The following PCDH15 variants were observed in gnomAD, a reference collection of about 807,000 sequenced individuals.
PCDH15 encodes the protein protocadherin-15.
A neutral mutation model predicts 178.5 loss-of-function variants in PCDH15; 129 were observed. The ratio of observed to expected loss-of-function variants is 0.72; its 90% CI spans 0.63 to 0.84. PCDH15 has a LOEUF of 0.84. PCDH15 is among the 40% of genes least tolerant of loss of function. PCDH15 has a pLI of 0.00. For synonymous variants in PCDH15, 800 were observed against 732.0 expected (o/e 1.09, Z -1.50); for missense variants, 2,230 against 2,099.9 (o/e 1.06, Z -1.21).
intron 3 of PCDH15, among the ~76,000 whole-genome samples, chr10:54,851,782 T>C (rs769658689): frequency 3.3e-5 from 5 of 152,042 alleles, no homozygotes; most frequent in Admixed American, 1.3e-4. Flanking sequence ...GTTGGTCAGG[T>C]TGATCTCAAA....
chr10:53,970,685 C>G (rs986241879), intron 21 of PCDH15, among the ~76,000 whole-genome samples: 1 of 152,026 alleles, frequency 6.6e-6, no homozygotes, highest in African/African-American at 2.4e-5. Context: ...GCTAGAAAGT[C>G]TAGAAGAAAT....
chr10:55,216,542 C>T (rs961405012), intron 1 of PCDH15, among the ~76,000 whole-genome samples: 1 of 151,574 alleles, frequency 6.6e-6, no homozygotes, highest in Admixed American at 6.6e-5. Flanking sequence ...AGTATGATGG[C>T]TAGGGTTAAC....
At chr10:55,539,901 T>A (rs1841720294) in intron 2 of PCDH15, among the ~76,000 whole-genome samples, 1 of 152,118 alleles carries the variant, frequency 6.6e-6, no homozygotes, top group African/African-American at 2.4e-5. Context: ...ACTTAGTTAA[T>A]CCTCACAATT....
intron 1 of PCDH15, among the ~76,000 whole-genome samples, chr10:55,267,826 T>C (rs977344675): frequency 1.1e-4 from 16 of 152,154 alleles, no homozygotes; most frequent in African/African-American, 2.7e-4. Flanking sequence ...TTTGGGGGAA[T>C]GGAGGAAGAA....
At chr10:54,182,209 C>T (rs995666587) in intron 13 of PCDH15, among the ~76,000 whole-genome samples, 15 of 152,296 alleles carry the variant, frequency 9.8e-5, no homozygotes, top group East Asian at 3.9e-4. Context: ...TCAGGCAATC[C>T]GCTCGCCTCG....
At chr10:54,465,925 G>T (rs2077487812) in intron 3 of PCDH15, among the ~76,000 whole-genome samples, 1 of 151,676 alleles carries the variant, frequency 6.6e-6, no homozygotes, top group Non-Finnish European at 1.5e-5. Flanking sequence ...TTGTCATTTT[G>T]ATAATAGCCA....
chr10:54,162,710 T>C (rs962901950), intron 13 of PCDH15, among the ~76,000 whole-genome samples: 5 of 152,206 alleles, frequency 3.3e-5, no homozygotes, highest in African/African-American at 1.2e-4. Context: ...TGTCTCCTTA[T>C]GACATGCCAG....
At chr10:54,988,191 C>T (rs1839417182) in intron 2 of PCDH15, among the ~76,000 whole-genome samples, 1 of 152,152 alleles carries the variant, frequency 6.6e-6, no homozygotes, top group Non-Finnish European at 1.5e-5. Flanking sequence ...GATGTTATTT[C>T]TGAGGTCTCT....
At chr10:55,296,304 C>T (rs1843131842) in intron 1 of PCDH15, among the ~76,000 whole-genome samples, 1 of 152,114 alleles carries the variant, frequency 6.6e-6, no homozygotes, top group Non-Finnish European at 1.5e-5. Flanking sequence ...CAATCTGTAG[C>T]CCCTCTCCTT....
chr10:54,120,114 A>G (rs1227411795), intron 15 of PCDH15, among the ~76,000 whole-genome samples: 1 of 152,206 alleles, frequency 6.6e-6, no homozygotes, highest in Non-Finnish European at 1.5e-5. Context: ...ATCTATTTTC[A>G]GCATGCTTAA....
At chr10:54,590,496 G>A (rs1187732773) in intron 2 of PCDH15, among the ~76,000 whole-genome samples, 1 of 152,070 alleles carries the variant, frequency 6.6e-6, no homozygotes, top group Non-Finnish European at 1.5e-5. Context: ...CACATATTCG[G>A]GACCAACATT....
intron 3 of PCDH15, among the ~76,000 whole-genome samples, chr10:54,464,104 G>C (rs997951556): frequency 3.3e-5 from 5 of 152,138 alleles, no homozygotes; most frequent in Admixed American, 1.3e-4. Context: ...CACAGCCAGG[G>C]CTCTGTTGCA....
chr10:55,512,377 C>T (rs371505777), intron 2 of PCDH15, among the ~76,000 whole-genome samples: 23 of 152,062 alleles, frequency 1.5e-4, no homozygotes, highest in African/African-American at 2.6e-4. Flanking sequence ...GTGGGATTAA[C>T]GCTCCTAGAA....
intron 30 of PCDH15, among the ~76,000 whole-genome samples, chr10:53,829,862 T>C (rs868699846): frequency 5.9e-5 from 9 of 152,282 alleles, no homozygotes; most frequent in Admixed American, 3.3e-4. Flanking sequence ...TTCATGATAC[T>C]TTTTTTCATA....
At chr10:55,190,206 G>A (rs1197491490) in intron 1 of PCDH15, among the ~76,000 whole-genome samples, 1 of 151,600 alleles carries the variant, frequency 6.6e-6, no homozygotes, top group Non-Finnish European at 1.5e-5. Context: ...ACTAATTTAT[G>A]GCAATGACAG....
intron 1 of PCDH15, among the ~76,000 whole-genome samples, chr10:55,224,432 GC>G (rs1013157306): frequency 1.2e-4 from 19 of 152,126 alleles, no homozygotes; most frequent in African/African-American, 4.3e-4. Flanking sequence ...GTCCTTGTGT[GC>G]TTTTGCTTGA....
intron 2 of PCDH15, among the ~76,000 whole-genome samples, chr10:55,061,361 C>T (rs1841426034): frequency 6.6e-6 from 1 of 152,126 alleles, no homozygotes; most frequent in Non-Finnish European, 1.5e-5. Context: ...CAAGTAGATG[C>T]TACTATATAC....
chr10:54,404,325 A>T (rs1381706212), intron 3 of PCDH15, among the ~76,000 whole-genome samples: 1 of 152,098 alleles, frequency 6.6e-6, no homozygotes, highest in African/African-American at 2.4e-5. Context: ...AAACATGCAC[A>T]TAGACCAATG....
At chr10:54,828,273 G>C (rs1227130116) in intron 3 of PCDH15, among the ~76,000 whole-genome samples, 1 of 151,938 alleles carries the variant, frequency 6.6e-6, no homozygotes, top group Admixed American at 6.6e-5. Context: ...TGAAGAGACA[G>C]ACAGAGAAAG....
Sources: gnomAD v4.1 joint callset for allele counts (sites outside exome capture counted in the v4.1 genomes callset) on GRCh38, gnomAD v4.1.1 for gene constraint, MANE v1.5 for transcripts, NCBI Gene and HGNC (gene_info 2026-07-23, HGNC 2026-07-21) for gene names.